REV3L: variants seen among roughly 807,000 people sequenced by gnomAD.
The protein encoded by REV3L is REV3 like, DNA directed polymerase zeta catalytic subunit.
A neutral mutation model predicts 299.4 loss-of-function variants in REV3L; 69 were observed. The ratio of observed to expected loss-of-function variants is 0.23; its 90% CI spans 0.19 to 0.28. REV3L has a LOEUF of 0.28. Among genes scored for constraint, REV3L ranks in the 10% least tolerant of loss-of-function variants. REV3L has a pLI of 1.00. For synonymous variants in REV3L, 1,238 were observed against 1,271.4 expected (o/e 0.97, Z 0.56); for missense variants, 3,128 against 3,693.8 (o/e 0.85, Z 3.97).
intron 1 of REV3L, among the ~76,000 whole-genome samples, chr6:111,421,626 T>A (rs905566482): frequency 6.6e-6 from 1 of 151,928 alleles, no homozygotes; most frequent in Non-Finnish European, 1.5e-5. Flanking sequence ...TTTTTTTTTT[T>A]AAAGCTGATG....
chr6:111,388,405 T>G (rs558512158), intron 7 of REV3L, among the ~76,000 whole-genome samples: 11 of 152,322 alleles, frequency 7.2e-5, no homozygotes, highest in African/African-American at 2.6e-4. Flanking sequence ...ATATTTCTAT[T>G]TTTAAAAGTA....
At chr6:111,355,252 C>T (rs1441767849) in intron 18 of REV3L, among the ~76,000 whole-genome samples, 1 of 152,068 alleles carries the variant, frequency 6.6e-6, no homozygotes, top group African/African-American at 2.4e-5. Context: ...GCCCCTTACA[C>T]ACAGTTAACA....
chr6:111,469,331 GAATA>G (rs1583110135), intron 1 of REV3L, among the ~76,000 whole-genome samples: 1 of 152,086 alleles, frequency 6.6e-6, no homozygotes, highest in Non-Finnish European at 1.5e-5. Context: ...GACAAAAATG[GAATA>G]AAAACAAGAA....
intron 1 of REV3L, among the ~76,000 whole-genome samples, chr6:111,432,178 A>G (rs997102507): frequency 4.6e-5 from 7 of 152,222 alleles, no homozygotes; most frequent in Non-Finnish European, 8.8e-5. Context: ...GAAAACAAGC[A>G]ATGAAATGAC....
At chr6:111,459,383 A>G (rs1021407434) in intron 1 of REV3L, among the ~76,000 whole-genome samples, 2 of 152,174 alleles carry the variant, frequency 1.3e-5, no homozygotes, top group African/African-American at 2.4e-5. Flanking sequence ...CGAAGAATTT[A>G]TGGCTAAGTC....
intron 4 of REV3L, among the ~76,000 whole-genome samples, chr6:111,394,035 T>A (rs11153288): frequency 0.4 from 60,640 of 152,132 alleles, 14,620 homozygotes; most frequent in Non-Finnish European, 0.54. Context: ...CATCCACTGA[T>A]GTGCACTTAA....
At chr6:111,454,966 G>T (rs1790000444) in intron 1 of REV3L, among the ~76,000 whole-genome samples, 1 of 152,050 alleles carries the variant, frequency 6.6e-6, no homozygotes, top group African/African-American at 2.4e-5. Context: ...GCGCCCGGCT[G>T]TTTTTTCTAA....
At chr6:111,450,478 C>CAA (rs869119350) in intron 1 of REV3L, among the ~76,000 whole-genome samples, 4,462 of 54,116 alleles carry the variant, frequency 0.082, 575 homozygotes, top group Middle Eastern at 0.18. Context: ...GACCCTGTCT[C>CAA]AAAAAAAAAA....
chr6:111,366,816 T>C (rs1779271456), intron 14 of REV3L, among the ~76,000 whole-genome samples: 1 of 152,168 alleles, frequency 6.6e-6, no homozygotes, highest in African/African-American at 2.4e-5. Flanking sequence ...TTTTTGTTTC[T>C]GTTTTAAAAT....
chr6:111,395,595 T>A (rs1373054707), intron 4 of REV3L, among the ~76,000 whole-genome samples: 1 of 152,012 alleles, frequency 6.6e-6, no homozygotes, highest in Non-Finnish European at 1.5e-5. Context: ...GTTCTAAGAG[T>A]TTTTTGTTGG....
intron 18 of REV3L, among the ~76,000 whole-genome samples, chr6:111,356,032 T>A (rs1778056314): frequency 6.6e-6 from 1 of 152,164 alleles, no homozygotes; most frequent in South Asian, 2.1e-4. Context: ...CTCAGAATGG[T>A]TTATGTTAAC....
At chr6:111,406,067 A>G (rs1177279418) in intron 3 of REV3L, among the ~76,000 whole-genome samples, 1 of 152,150 alleles carries the variant, frequency 6.6e-6, no homozygotes, top group Non-Finnish European at 1.5e-5. Flanking sequence ...ACGAATACAA[A>G]CAACAGACAA....
At chr6:111,422,613 C>CATATATATATACACATATATATATATAT (rs1216671579) in intron 1 of REV3L, among the ~76,000 whole-genome samples, 1 of 7,180 alleles carries the variant, frequency 1.4e-4, no homozygotes, top group African/African-American at 4.6e-4. Flanking sequence ...TATATATATA[C>CATATATATATACACATATATATATATAT]ACATATATAT....
chr6:111,481,868 C>T (rs1448155155), intron 1 of REV3L, among the ~76,000 whole-genome samples: 2 of 152,170 alleles, frequency 1.3e-5, no homozygotes, highest in Non-Finnish European at 2.9e-5. Context: ...ACGGCTGTCT[C>T]CCCTTCCCAT....
At chr6:111,386,717 ATTTTTTT>A (rs67124715) in intron 9 of REV3L, among the ~76,000 whole-genome samples, 26 of 97,652 alleles carry the variant, frequency 2.7e-4, no homozygotes, top group Non-Finnish European at 4.2e-4. Flanking sequence ...TAACAGCACT[ATTTTTTT>A]TTTTTTTTTT....
At chr6:111,366,393 T>C (rs897175559) in intron 14 of REV3L, among the ~76,000 whole-genome samples, 6 of 152,128 alleles carry the variant, frequency 3.9e-5, no homozygotes, top group Admixed American at 2.6e-4. Context: ...AGGAATTAGA[T>C]CATTTAGAGA....
intron 31 of REV3L, among the ~76,000 whole-genome samples, chr6:111,303,442 C>T (rs1239896874): frequency 6.6e-6 from 1 of 151,748 alleles, no homozygotes; most frequent in Non-Finnish European, 1.5e-5. Context: ...TCTCAGCTCA[C>T]TGTAACCTCT....
chr6:111,309,107 T>A (rs1343348357), intron 30 of REV3L: 1 of 152,246 alleles, frequency 6.6e-6, no homozygotes, highest in African/African-American at 2.4e-5. Context: ...CCCCAGTGGG[T>A]GTGTGTTACA....
intron 19 of REV3L, among the ~76,000 whole-genome samples, chr6:111,351,187 AGTT>A (rs1777531623): frequency 6.6e-6 from 1 of 152,182 alleles, no homozygotes; most frequent in Non-Finnish European, 1.5e-5. Context: ...ATCAATGATT[AGTT>A]AACTACTAGT....
Sources: gnomAD v4.1 joint callset for allele counts (sites outside exome capture counted in the v4.1 genomes callset) on GRCh38, gnomAD v4.1.1 for gene constraint, MANE v1.5 for transcripts, NCBI Gene and HGNC (gene_info 2026-07-23, HGNC 2026-07-21) for gene names.